DCT: variants seen among roughly 807,000 people sequenced by gnomAD.
DCT encodes L-dopachrome tautomerase.
Under a neutral mutation model 53.0 loss-of-function variants are expected in DCT, and 47 were observed. That is an observed-to-expected ratio of 0.89 (90% CI 0.70 to 1.13). The LOEUF (loss-of-function observed/expected upper bound fraction) is 1.13. Among genes scored for constraint, DCT ranks in the 50% most tolerant of loss-of-function variants. DCT has a pLI of 0.00. For synonymous variants in DCT, 244 were observed against 237.0 expected (o/e 1.03, Z -0.27); for missense variants, 669 against 637.4 (o/e 1.05, Z -0.53).
In DCT at chr13:94,466,587, G is replaced by A. The variant is rs755703719; in HGVS notation, c.667C>T (p.His223Tyr). 10 of 1,611,236 alleles carry A rather than the reference G, an allele frequency of 6.2e-6. No individual in the cohort carries two copies. Among genetic ancestry groups the A allele is most frequent in the African/African-American group, 1.3e-5 (1 of 74,948 alleles). Residue 223 changes from histidine (H) to tyrosine (Y), a missense_variant, in exon 3 of 8, where the codon CAT becomes TAT. Coordinates refer to ENST00000377028, the MANE Select transcript of DCT (RefSeq NM_001922.5). ...GPAFVTWHRY[H>Y]LLCLERDLQR... The stretch of plus-strand genomic sequence containing the variant: ...AGATCTCTTTCCAGACACAACAAAT[G>A]GTACCGGTGCCAGGTAACAAATGCA...
At position 94,469,030 on chromosome 13, in the gene DCT, T is replaced by C. The variant is rs1430460448; in HGVS notation, c.311A>G (p.Tyr104Cys). 11 of 1,612,208 alleles carry C rather than the reference T, an allele frequency of 6.8e-6. No individual in the cohort carries two copies. The highest frequency in any genetic ancestry group is 5.3e-5 in the African/African-American group (4 of 74,882). ...GCCAAACTTGCAGTCTCCACAATTA[T>C]AGCCGGCAAAGTTTCCTAGTTCACA... ...TCKCTGNFAGYNCGDCKFGWT... is the reference protein window; with the variant it reads ...TCKCTGNFAGCNCGDCKFGWT... Residue 104 changes from tyrosine to cysteine, a missense_variant, in exon 2 of 8, where the codon TAT (tyrosine) becomes TGT (cysteine). Coordinates refer to ENST00000377028, the MANE Select transcript of DCT (RefSeq NM_001922.5).
chr13:94,479,546 A>C lies in DCT; in HGVS notation c.-291T>G. 1 of 296,416 alleles carries C rather than the reference A, an allele frequency of 3.4e-6. No individual in the cohort carries two copies. The highest frequency in any genetic ancestry group is 6.3e-6 in the Non-Finnish European group (1 of 159,096). 18.4% of individuals were successfully genotyped at this position (296,416 alleles called of 1,614,324 possible). ...TTTAATGAGGGTAGCGCTTCTCACC[A>C]TCTTCCCCCGTTAAGTCAGGCTTTG... On this transcript the variant is annotated 5_prime_UTR_variant, in exon 1 of 8. An upstream start codon of the reference 5' UTR is lost. Coordinates refer to ENST00000377028, the MANE Select transcript of DCT (RefSeq NM_001922.5).
intron 4 of DCT, among the ~76,000 whole-genome samples, chr13:94,464,668 C>A (rs577517580): frequency 3.7e-4 from 56 of 151,334 alleles, no homozygotes; most frequent in South Asian, 2.7e-3. Flanking sequence ...AAACAAAAAA[C>A]AAAACAAATT....
chr13:94,529,814 G>A, the DCT span, among the ~76,000 whole-genome samples: 1 of 152,160 alleles, frequency 6.6e-6, no homozygotes, highest in Non-Finnish European at 1.5e-5. Flanking sequence ...AGGAGATAGA[G>A]ACCCAACAAA....
the DCT span, among the ~76,000 whole-genome samples, chr13:94,546,295 C>T: frequency 4.6e-5 from 7 of 152,128 alleles, no homozygotes; most frequent in Admixed American, 3.3e-4. The surrounding 1 kb of genome is among the most constrained non-coding windows in gnomAD (Gnocchi z 4.2). Flanking sequence ...TTACATGCGT[C>T]AATCCTTTGT....
At chr13:94,461,972 A>G in intron 5 of DCT, 38 bp downstream of exon 5, 1 of 1,576,422 alleles carries the variant, frequency 6.3e-7, no homozygotes, top group Non-Finnish European at 8.7e-7. Context: ...GAAAACCTGT[A>G]CTGTACAGGC....
chr13:94,468,960 C>G lies in DCT; in HGVS notation c.381G>C (p.Arg127=). ...NCERKKPPVI[R]QNIHSLSPQE... ...GAGGACTCAAGGAATGGATGTTCTG[C>G]CGAATCACTGGTGGTTTCTTCCGCT... Residue 127 remains arginine (R), a synonymous_variant, in exon 2 of 8, where the codon CGG becomes CGC. Transcript: ENST00000377028. 1 of 1,614,110 alleles carries G rather than the reference C, an allele frequency of 6.2e-7. No individual in the cohort carries two copies. The highest frequency in any genetic ancestry group is 1.3e-5 in the African/African-American group (1 of 75,032).
In DCT at chr13:94,438,377, T is replaced by C. The variant is rs1382916475; in HGVS notation, c.*1521A>G. ...CCTGCTCTCAGATGCACCTGTAGCT[T>C]TATGAGATTCAAATTCAGTTCCAAC... is the stretch of plus-strand genomic sequence containing the variant. On this transcript the variant is annotated 3_prime_UTR_variant, in exon 8 of 8. Transcript: ENST00000377028. The C allele has an allele frequency of 4.2e-6, 1 of 235,596 alleles. No homozygotes were observed. The highest frequency in any genetic ancestry group is 5.2e-5 in the Admixed American group (1 of 19,360). 14.6% of individuals were successfully genotyped at this position (235,596 alleles called of 1,614,324 possible).
chr13:94,465,925 AAATG>A (rs1454202098), intron 3 of DCT, 126 bp from the exon 4 acceptor site: 4 of 370,628 alleles, frequency 1.1e-5, no homozygotes, highest in Admixed American at 9.8e-5. Context: ...CTGGATGGAT[AAATG>A]AATGAAGAAA....
At chr13:94,520,555 T>C in the DCT span, among the ~76,000 whole-genome samples, 1 of 152,232 alleles carries the variant, frequency 6.6e-6, no homozygotes, top group Non-Finnish European at 1.5e-5. Context: ...TGGTGAATTC[T>C]ATCACAAAAC....
intron 5 of DCT, 100 bp from the exon 6 acceptor site, chr13:94,460,326 G>T: frequency 8.8e-7 from 1 of 1,134,582 alleles, no homozygotes; most frequent in Non-Finnish European, 1.3e-6. Context: ...TTTGAGATTG[G>T]GTAGGGATAT....
the DCT span, among the ~76,000 whole-genome samples, chr13:94,525,317 G>C: frequency 6.6e-6 from 1 of 152,110 alleles, no homozygotes; most frequent in South Asian, 2.1e-4. Flanking sequence ...GGTCAGGCTG[G>C]TTTCGAACTC....
At chr13:94,538,390 G>A in the DCT span, among the ~76,000 whole-genome samples, 1 of 152,164 alleles carries the variant, frequency 6.6e-6, no homozygotes, top group Non-Finnish European at 1.5e-5. Flanking sequence ...GGTGAGCCTG[G>A]AGCTCTGGCC....
chr13:94,509,944 A>T, the DCT span, among the ~76,000 whole-genome samples: 4 of 152,154 alleles, frequency 2.6e-5, no homozygotes, highest in Admixed American at 1.3e-4. Flanking sequence ...TGAAGAATCA[A>T]ATTAAGTCAT....
Position 94,470,481 on chromosome 13 carries a change from T to G in DCT, c.296-1436A>C, listed in dbSNP as rs564045733. Among the ~76,000 whole-genome samples the G allele has an allele frequency of 2.0e-5, 3 of 152,304 alleles. No individual in the cohort carries two copies. The South Asian group carries it at 6.2e-4, about 32-fold the overall frequency. On this transcript the variant is annotated intron_variant, in intron 1 of 7. Coordinates refer to ENST00000377028, the MANE Select transcript of DCT (RefSeq NM_001922.5). ...TATTGCCTTTGGGTATGACCAACAT[T>G]TCATTCCTTAGGTTAGAGGGTAAAA... is the stretch of plus-strand genomic sequence containing the variant.
At chr13:94,492,781 T>G in the DCT span, among the ~76,000 whole-genome samples, 1 of 152,214 alleles carries the variant, frequency 6.6e-6, no homozygotes. Flanking sequence ...ATCAAGAAAT[T>G]ATTCTAATTA....
intron 5 of DCT, among the ~76,000 whole-genome samples, chr13:94,460,574 T>A (rs1210710697): frequency 6.6e-6 from 1 of 152,146 alleles, no homozygotes; most frequent in East Asian, 1.9e-4. Flanking sequence ...ATCAGTAAAT[T>A]CTTTTATTTA....
intron 2 of DCT, chr13:94,467,170 C>T (rs1475021164): frequency 1.3e-5 from 2 of 152,338 alleles, no homozygotes; most frequent in Non-Finnish European, 2.9e-5. Context: ...TTTTGCCTCA[C>T]CCATCAATCT....
chr13:94,513,987 C>CAAAAAAAAA, the DCT span, among the ~76,000 whole-genome samples: 2 of 53,190 alleles, frequency 3.8e-5, no homozygotes, highest in African/African-American at 7.6e-5. Flanking sequence ...AACTCTGTCT[C>CAAAAAAAAA]AAAAAAAAAA....
Sources: allele counts gnomAD v4.1 joint callset (sites outside exome capture counted in the v4.1 genomes callset), GRCh38; gene constraint gnomAD v4.1.1; non-coding constraint Gnocchi (gnomAD v3.1); transcripts MANE v1.5; gene names NCBI Gene and HGNC (gene_info 2026-07-23, HGNC 2026-07-21).